Variants in ITCH observed in about 807,000 individuals in gnomAD.
ITCH encodes E3 ubiquitin-protein ligase Itchy homolog.
Under a neutral mutation model 126.8 loss-of-function variants are expected in ITCH, and 28 were observed. That is an observed-to-expected ratio of 0.22 (90% CI 0.16 to 0.30). The LOEUF (loss-of-function observed/expected upper bound fraction) is 0.30, where lower values mean the gene tolerates loss of function less well. Ranked by LOEUF, ITCH falls within the 10% of genes least tolerant of loss-of-function variation. ITCH has a pLI of 1.00. For synonymous variants in ITCH, 342 were observed against 340.0 expected (o/e 1.01, Z -0.06); for missense variants, 631 against 1,032.4 (o/e 0.61, Z 5.33).
intron 3 of ITCH, chr20:34,401,755 A>C: frequency 2.2e-6 from 1 of 456,278 alleles, no homozygotes; most frequent in Non-Finnish European, 2.9e-6. Context: ...CCCCCCTAAA[A>C]AAGAGGAGGG....
chr20:34,381,928 A>G (rs1370503983), intron 2 of ITCH, among the ~76,000 whole-genome samples: 2 of 152,062 alleles, frequency 1.3e-5, no homozygotes, highest in African/African-American at 2.4e-5. Flanking sequence ...GTTTTCTTTA[A>G]TGAATAACGT....
intron 12 of ITCH, among the ~76,000 whole-genome samples, chr20:34,450,080 T>G (rs1190997573): frequency 6.6e-6 from 1 of 152,182 alleles, no homozygotes; most frequent in Non-Finnish European, 1.5e-5. Context: ...CATGAGATAA[T>G]GCATAGAACT....
Position 34,418,757 on chromosome 20 carries a change from CT to C in ITCH, c.475+4897del, listed in dbSNP as rs373974620. Among the ~76,000 whole-genome samples, 395 of 116,502 alleles carry C rather than the reference CT, an allele frequency of 3.4e-3. 1 individual carries two copies. Among genetic ancestry groups the C allele is most frequent in the African/African-American group, 0.01 (301 of 30,052 alleles). The allele number at this position is 116,502 out of a possible 152,430, so 76.4% of individuals were successfully genotyped here. A position where few individuals can be genotyped will look rare whatever the true frequency, so the allele number is the denominator to read the frequency against. On this transcript the variant is annotated intron_variant, in intron 6 of 24. Coordinates refer to ENST00000374864, the MANE Select transcript of ITCH (RefSeq NM_031483.7). ...TCCTTTCTTTCTTTTTCTTTTTTTC[CT>C]TTTTTTTTTTTTTTTTTTGTGAGAC...
At chr20:34,421,827 G>A (rs1020754570) in intron 6 of ITCH, among the ~76,000 whole-genome samples, 1 of 152,146 alleles carries the variant, frequency 6.6e-6, no homozygotes, top group Non-Finnish European at 1.5e-5. Context: ...GGACAACATG[G>A]TGAGACTCCA....
At chr20:34,455,799 T>TTA (rs1165740535) in intron 12 of ITCH, among the ~76,000 whole-genome samples, 1 of 151,806 alleles carries the variant, frequency 6.6e-6, no homozygotes, top group Non-Finnish European at 1.5e-5. Flanking sequence ...CTTCTAAACC[T>TTA]TAATGGGGAG....
chr20:34,371,279 CTTTTTTTTTTTT>C (rs770951963), intron 2 of ITCH, among the ~76,000 whole-genome samples: 1 of 118,480 alleles, frequency 8.4e-6, no homozygotes, highest in African/African-American at 3.6e-5. Context: ...ATCACTTCTT[CTTTTTTTTTTTT>C]TTTTTTTTTT....
intron 23 of ITCH, among the ~76,000 whole-genome samples, chr20:34,503,922 C>G (rs112668967): frequency 0.018 from 2,509 of 136,876 alleles, 71 homozygotes; most frequent in African/African-American, 0.056. Flanking sequence ...CGTTCTGTCA[C>G]CCGGGCGAGA....
intron 2 of ITCH, among the ~76,000 whole-genome samples, chr20:34,390,119 C>CA (rs58863322): frequency 0.99 from 145,896 of 147,258 alleles, 72,268 homozygotes; most frequent in Middle Eastern, 1. Flanking sequence ...GACTCTGTCT[C>CA]AAAAAAAAAA....
chr20:34,418,058 C>T (rs1192138889), intron 6 of ITCH, among the ~76,000 whole-genome samples: 1 of 151,386 alleles, frequency 6.6e-6, no homozygotes, highest in Non-Finnish European at 1.5e-5. Context: ...CCTCCGCCTC[C>T]TGGGCTCAAG....
chr20:34,466,425 T>C (rs771887810), intron 14 of ITCH: 11 of 522,060 alleles, frequency 2.1e-5, no homozygotes, highest in Non-Finnish European at 3.9e-5. Flanking sequence ...CCTATTACTT[T>C]CTAATTTTAT....
intron 7 of ITCH, among the ~76,000 whole-genome samples, chr20:34,429,483 G>T (rs367927566): frequency 5.9e-5 from 9 of 152,162 alleles, no homozygotes; most frequent in African/African-American, 1.7e-4. Context: ...TGGGACTCAA[G>T]ATTTGCATTT....
intron 1 of ITCH, among the ~76,000 whole-genome samples, chr20:34,365,048 A>T (rs2037366164): frequency 1.3e-5 from 2 of 151,822 alleles, no homozygotes; most frequent in African/African-American, 4.8e-5. Flanking sequence ...AAAAATACAA[A>T]GATTTGCCGG....
intron 1 of ITCH, among the ~76,000 whole-genome samples, chr20:34,366,411 A>G (rs2037423971): frequency 6.6e-6 from 1 of 152,012 alleles, no homozygotes; most frequent in African/African-American, 2.4e-5. Flanking sequence ...TTTTTTGTAG[A>G]GAAAGGTTCT....
intron 7 of ITCH, among the ~76,000 whole-genome samples, chr20:34,437,146 GAAA>G (rs1983114922): frequency 6.6e-6 from 1 of 151,692 alleles, no homozygotes; most frequent in African/African-American, 2.4e-5. Context: ...AAAGGAAAAA[GAAA>G]AAAACTATGT....
intron 7 of ITCH, among the ~76,000 whole-genome samples, chr20:34,431,133 C>CA (rs1176084797): frequency 6.6e-6 from 1 of 152,130 alleles, no homozygotes; most frequent in Non-Finnish European, 1.5e-5. Context: ...GAGGACCTGG[C>CA]AGGGCATGGT....
At position 34,508,351 on chromosome 20, in the gene ITCH, G is replaced by A. The variant is rs1256471451; in HGVS notation, c.*557G>A. ...TCCATACATCATTCCTGGAAGTGAG[G>A]CAAGACTCTTGCATCTCTACAAAGT... On this transcript the variant is annotated 3_prime_UTR_variant, in exon 25 of 25. Transcript: ENST00000374864. 6.2e-6 allele frequency: 1 copy of A among 162,424 alleles called. No homozygotes were observed. The highest frequency in any genetic ancestry group is 2.4e-5 in the African/African-American group (1 of 41,504). 10.1% of individuals were successfully genotyped at this position (162,424 alleles called of 1,614,324 possible). A position where few individuals can be genotyped will look rare whatever the true frequency, so the allele number is the denominator to read the frequency against.
intron 2 of ITCH, among the ~76,000 whole-genome samples, chr20:34,371,416 CG>C (rs1290012754): frequency 6.7e-6 from 1 of 150,094 alleles, no homozygotes; most frequent in East Asian, 2.0e-4. Flanking sequence ...AGCTGGGACT[CG>C]GGAGGCCAGG....
chr20:34,442,178 T>C lies in ITCH; in HGVS notation c.870-30T>C, dbSNP rs776336214. 1.9e-6 allele frequency: 3 copies of C among 1,548,956 alleles called. No homozygotes were observed. The African/African-American group carries it at 4.1e-5, about 21-fold the overall frequency. On this transcript the variant is annotated intron_variant, in intron 9 of 24. Coordinates refer to ENST00000374864, the MANE Select transcript of ITCH (RefSeq NM_031483.7). ...AAAAGCCAGGTAACTCATGCAAGTA[T>C]TTTACCAGCCTTTTAATTTTGTATT... is the stretch of plus-strand genomic sequence containing the variant.
intron 2 of ITCH, 50 bp from the exon 3 acceptor site, chr20:34,393,741 T>G (rs931230482): frequency 9.1e-6 from 10 of 1,095,802 alleles, no homozygotes; most frequent in Admixed American, 3.4e-5. Flanking sequence ...TTTATATATG[T>G]TTTTAATGGG....
Sources: gnomAD v4.1 joint callset for allele counts (sites outside exome capture counted in the v4.1 genomes callset) on GRCh38, gnomAD v4.1.1 for gene constraint, MANE v1.5 for transcripts, NCBI Gene and HGNC (gene_info 2026-07-23, HGNC 2026-07-21) for gene names.